The following EPC2 variants were observed in gnomAD, a reference collection of about 807,000 sequenced individuals.
EPC2 encodes the protein enhancer of polycomb homolog 2.
In EPC2, 14 loss-of-function variants were observed where a neutral mutation model predicts 92.1. That is an observed-to-expected ratio of 0.15 (90% CI 0.10 to 0.24). EPC2 has a LOEUF of 0.24. Ranked by LOEUF, EPC2 falls within the 10% of genes least tolerant of loss-of-function variation. The pLI is 1.00. For synonymous variants in EPC2, 340 were observed against 334.7 expected (o/e 1.02, Z -0.17); for missense variants, 755 against 971.5 (o/e 0.78, Z 2.96).
chr2:148,742,832 A>G (rs1682903885), intron 2 of EPC2, among the ~76,000 whole-genome samples: 2 of 152,012 alleles, frequency 1.3e-5, no homozygotes, highest in African/African-American at 4.8e-5. Context: ...CTCTACTAAA[A>G]TACCAATTCA....
chr2:148,743,081 ATTT>A, intron 2 of EPC2, among the ~76,000 whole-genome samples: 1 of 152,144 alleles, frequency 6.6e-6, no homozygotes, highest in Middle Eastern at 3.4e-3. Flanking sequence ...TTCCTCTAGT[ATTT>A]TTATGTGTTT....
In EPC2 at chr2:148,769,145, G is replaced by T. The variant is rs777383776; in HGVS notation, c.1141-6G>T. ...AACTTCTAAATGGAATGCCTCTTTTGTCTAGGTATTGTCCCCAGTATCAGA... is the reference window on the plus strand; with the variant it reads ...AACTTCTAAATGGAATGCCTCTTTTTTCTAGGTATTGTCCCCAGTATCAGA... On this transcript the variant is annotated splice_polypyrimidine_tract_variant and splice_region_variant and intron_variant, in intron 7 of 13. Transcript: ENST00000258484. 13 of 1,604,990 alleles carry T rather than the reference G, an allele frequency of 8.1e-6. No individual in the cohort carries two copies. Among genetic ancestry groups the T allele is most frequent in the African/African-American group, 2.7e-5 (2 of 74,790 alleles).
intron 4 of EPC2, among the ~76,000 whole-genome samples, chr2:148,758,647 C>T (rs1467040534): frequency 3.9e-5 from 6 of 152,086 alleles, no homozygotes; most frequent in Non-Finnish European, 8.8e-5. Flanking sequence ...CTGCCCGCCT[C>T]GGCCTTCCAA....
chr2:148,706,809 G>C (rs182604084), intron 2 of EPC2, among the ~76,000 whole-genome samples: 1 of 152,050 alleles, frequency 6.6e-6, no homozygotes, highest in Non-Finnish European at 1.5e-5. Flanking sequence ...AGAGATTTTT[G>C]TCACCACCAG....
At chr2:148,676,623 T>C (rs537429616) in intron 1 of EPC2, among the ~76,000 whole-genome samples, 1 of 152,264 alleles carries the variant, frequency 6.6e-6, no homozygotes, top group Non-Finnish European at 1.5e-5. Flanking sequence ...CTCATGTTAT[T>C]TTATAACCTG....
chr2:148,737,333 TA>T (rs1682777405), intron 2 of EPC2, among the ~76,000 whole-genome samples: 1 of 152,114 alleles, frequency 6.6e-6, no homozygotes, highest in South Asian at 2.1e-4. Flanking sequence ...TACATGATAC[TA>T]AAAGTCCTAT....
intron 2 of EPC2, among the ~76,000 whole-genome samples, chr2:148,731,350 T>A (rs1682623859): frequency 6.6e-6 from 1 of 152,238 alleles, no homozygotes; most frequent in African/African-American, 2.4e-5. Flanking sequence ...TCTTATTTAG[T>A]TGCCTGCTAT....
intron 1 of EPC2, among the ~76,000 whole-genome samples, chr2:148,686,346 T>A (rs987630138): frequency 6.6e-6 from 1 of 152,256 alleles, no homozygotes; most frequent in Non-Finnish European, 1.5e-5. Flanking sequence ...AGGCTCCACT[T>A]CTAATTCTAG....
chr2:148,654,436 A>G (rs76355118), intron 1 of EPC2, among the ~76,000 whole-genome samples: 4,888 of 152,258 alleles, frequency 0.032, 97 homozygotes, highest in Middle Eastern at 0.11. Flanking sequence ...ACATTTTTAC[A>G]GCTTGAGGCC....
At chr2:148,776,418 A>G (rs2105436647) in intron 10 of EPC2, among the ~76,000 whole-genome samples, 1 of 152,220 alleles carries the variant, frequency 6.6e-6, no homozygotes, top group African/African-American at 2.4e-5. Context: ...TTTGTTCTTC[A>G]TTCCCCAACC....
At chr2:148,774,986 G>T (rs1247468495) in intron 10 of EPC2, among the ~76,000 whole-genome samples, 1 of 151,618 alleles carries the variant, frequency 6.6e-6, no homozygotes, top group African/African-American at 2.4e-5. Context: ...CTACTGGGGA[G>T]GTTGAGGCAG....
intron 2 of EPC2, among the ~76,000 whole-genome samples, chr2:148,693,124 T>A (rs1373415792): frequency 2.0e-5 from 3 of 152,224 alleles, no homozygotes; most frequent in Non-Finnish European, 4.4e-5. Context: ...CATTACTGAT[T>A]TTTTCCAAGG....
intron 2 of EPC2, among the ~76,000 whole-genome samples, chr2:148,736,929 A>G (rs1301051668): frequency 2.0e-5 from 3 of 147,904 alleles, no homozygotes; most frequent in Non-Finnish European, 4.5e-5. Flanking sequence ...GTGAAACCCC[A>G]TTTCTACAAA....
At chr2:148,711,939 T>C (rs1682152568) in intron 2 of EPC2, among the ~76,000 whole-genome samples, 1 of 152,204 alleles carries the variant, frequency 6.6e-6, no homozygotes, top group Non-Finnish European at 1.5e-5. Flanking sequence ...TGTATCTTTC[T>C]CTGTTCCTTT....
intron 2 of EPC2, among the ~76,000 whole-genome samples, chr2:148,735,480 T>C (rs1187032469): frequency 6.6e-6 from 1 of 152,062 alleles, no homozygotes; most frequent in Non-Finnish European, 1.5e-5. Context: ...ACTGAATTTT[T>C]AAAGAGACTC....
intron 1 of EPC2, among the ~76,000 whole-genome samples, chr2:148,670,601 T>C (rs1681137048): frequency 6.6e-6 from 1 of 152,164 alleles, no homozygotes; most frequent in East Asian, 1.9e-4. Flanking sequence ...TTGATTTTAA[T>C]TTTTTATTTT....
intron 1 of EPC2, among the ~76,000 whole-genome samples, chr2:148,653,939 C>CTT (rs1237750112): frequency 7.0e-5 from 10 of 142,278 alleles, no homozygotes; most frequent in African/African-American, 2.1e-4. Context: ...TTAAAGATTA[C>CTT]TTTTTTTTTT....
intron 2 of EPC2, among the ~76,000 whole-genome samples, chr2:148,695,664 G>A (rs992057205): frequency 1.8e-4 from 28 of 152,220 alleles, no homozygotes; most frequent in African/African-American, 6.8e-4. Context: ...TGATTGGAAA[G>A]AGTTGGGGAG....
chr2:148,767,904 A>G (rs972232975), intron 7 of EPC2, among the ~76,000 whole-genome samples: 1 of 152,186 alleles, frequency 6.6e-6, no homozygotes, highest in African/African-American at 2.4e-5. Context: ...CGTTATTTGC[A>G]AAGGAACCAA....
Sources: allele counts gnomAD v4.1 joint callset (sites outside exome capture counted in the v4.1 genomes callset), GRCh38; gene constraint gnomAD v4.1.1; transcripts MANE v1.5; gene names NCBI Gene and HGNC (gene_info 2026-07-23, HGNC 2026-07-21).